Variants in RAN observed in about 807,000 individuals in gnomAD.
RAN encodes RAN, member RAS oncogene family, also known as GTP-binding nuclear protein Ran.
In RAN, 2 loss-of-function variants were observed where a neutral mutation model predicts 26.8. That is an observed-to-expected ratio of 0.07 (90% CI 0.03 to 0.23). The LOEUF (loss-of-function observed/expected upper bound fraction) is 0.23. RAN is among the 10% of genes least tolerant of loss of function. The pLI, the probability that RAN is intolerant of heterozygous loss-of-function variation, is 1.00. For missense variants in RAN, 56 were observed against 264.8 expected (o/e 0.21, Z 5.47); for synonymous variants, 132 against 95.9 (o/e 1.38, Z -2.20).
At chr12:130,873,500 G>C (rs990909741) in intron 4 of RAN, 19 of 241,682 alleles carry the variant, frequency 7.9e-5, no homozygotes, top group Admixed American at 4.1e-4. Context: ...ATAAACACCA[G>C]ATACTAGACC....
rs142884457 is a variant in RAN, at chr12:130,875,215, T to G, written c.436-397T>G. Among the ~76,000 whole-genome samples the G allele has an allele frequency of 5.7e-3, 874 of 152,240 alleles. 10 individuals carry two copies. The highest frequency in any genetic ancestry group is 0.02 in the African/African-American group (819 of 41,538). On this transcript the variant is annotated intron_variant, in intron 5 of 6. Coordinates refer to ENST00000543796, the MANE Select transcript of RAN (RefSeq NM_006325.5). ...TGGCCCGGTTGGTCAGCTGAAATGT[T>G]TGTGTATTTATATATTTGTTGTTCG...
intron 5 of RAN, among the ~76,000 whole-genome samples, chr12:130,875,297 C>G (rs7961568): frequency 0.048 from 7,262 of 152,176 alleles, 538 homozygotes; most frequent in African/African-American, 0.16. Flanking sequence ...ACATAGCTCA[C>G]TGTAGCCCTG....
At chr12:130,873,372 T>G (rs1477042895) in intron 4 of RAN, 2 of 444,798 alleles carry the variant, frequency 4.5e-6, no homozygotes, top group South Asian at 2.3e-5. Context: ...CTGGGACTTA[T>G]AAGTCATATT....
At chr12:130,874,372 G>A (rs1449659855) in intron 4 of RAN, 174 bp from the exon 5 acceptor site, 3 of 562,316 alleles carry the variant, frequency 5.3e-6, no homozygotes, top group Non-Finnish European at 9.3e-6. Context: ...TCTCTTAGGA[G>A]GAATTGTGTA....
intron 4 of RAN, 108 bp downstream of exon 4, chr12:130,873,236 TA>T (rs1469833292): frequency 1.8e-5 from 27 of 1,461,698 alleles, no homozygotes; most frequent in Non-Finnish European, 2.4e-5. Flanking sequence ...ATTTTTGGGT[TA>T]AAAAAAGACA....
chr12:130,872,990 G>A lies in RAN; in HGVS notation c.122-13G>A. On this transcript the variant is annotated splice_polypyrimidine_tract_variant and intron_variant, in intron 3 of 6. Coordinates refer to ENST00000543796, the MANE Select transcript of RAN (RefSeq NM_006325.5). ...GTAAGTTCATCCACTCAATCGCATC[G>A]TTTCCGTTTCAGCCACCTTGGGTGT... 1 of 1,614,184 alleles carries A rather than the reference G, an allele frequency of 6.2e-7. No individual in the cohort carries two copies. The highest frequency in any genetic ancestry group is 1.1e-5 in the South Asian group (1 of 91,086).
Position 130,876,170 on chromosome 12 carries a change from A to G in RAN, c.*244A>G, listed in dbSNP as rs3803012. 1,087 of 547,760 alleles carry G rather than the reference A, an allele frequency of 2.0e-3. 23 individuals carry two copies. The East Asian group carries it at 0.025, about 13-fold the overall frequency. The allele number at this position is 547,760 out of a possible 1,614,324, so 33.9% of individuals were successfully genotyped here. A position where few individuals can be genotyped will look rare whatever the true frequency, so the allele number is the denominator to read the frequency against. ...GCAGTTGATTCCTTGAGTTTCATAT[A>G]TAAGACTGCTGCAGTCACATCACAA... On this transcript the variant is annotated 3_prime_UTR_variant, in exon 7 of 7. Coordinates refer to ENST00000543796, the MANE Select transcript of RAN (RefSeq NM_006325.5).
chr12:130,873,231 T>C (rs1953172245), intron 4 of RAN, 103 bp downstream of exon 4: 1 of 1,496,318 alleles, frequency 6.7e-7, no homozygotes, highest in Non-Finnish European at 9.0e-7. Flanking sequence ...GTGTCATTTT[T>C]GGGTTAAAAA....
At chr12:130,875,809 T>C in intron 6 of RAN, 27 bp downstream of exon 6, 2 of 1,614,136 alleles carry the variant, frequency 1.2e-6, no homozygotes, top group Non-Finnish European at 8.5e-7. Flanking sequence ...GCTGTTCAGA[T>C]TGTTCGGTTT....
At chr12:130,872,722 C>T (rs7306495) in intron 2 of RAN, 93 bp downstream of exon 2, 11 of 1,555,984 alleles carry the variant, frequency 7.1e-6, no homozygotes, top group Admixed American at 5.4e-5. Flanking sequence ...GTAATGGGGC[C>T]CCGCATCCAC....
At position 130,876,227 on chromosome 12, in the gene RAN, C is replaced by T; in HGVS notation, c.*301C>T. 2.7e-6 allele frequency: 1 copy of T among 375,236 alleles called. No individual in the cohort carries two copies. Among genetic ancestry groups the T allele is most frequent in the East Asian group, 4.8e-5 (1 of 21,044 alleles). The allele number at this position is 375,236 out of a possible 1,614,324, so 23.2% of individuals were successfully genotyped here. A position where few individuals can be genotyped will look rare whatever the true frequency, so the allele number is the denominator to read the frequency against. ...GTGGTGAAATCTTGTTTGTTACTGTCATTCCCATTCCTTTTCGTTTAGAAT... is the reference window on the plus strand; with the variant it reads ...GTGGTGAAATCTTGTTTGTTACTGTTATTCCCATTCCTTTTCGTTTAGAAT... On this transcript the variant is annotated 3_prime_UTR_variant, in exon 7 of 7. Coordinates refer to ENST00000543796, the MANE Select transcript of RAN (RefSeq NM_006325.5).
intron 1 of RAN, 39 bp from the exon 2 acceptor site, chr12:130,872,545 G>A: frequency 2.1e-6 from 3 of 1,421,908 alleles, no homozygotes; most frequent in Non-Finnish European, 2.7e-6. Flanking sequence ...TGGGCTGCGG[G>A]GCCGCGCGAG....
chr12:130,872,551 G>A, intron 1 of RAN, 33 bp from the exon 2 acceptor site: 3 of 1,428,492 alleles, frequency 2.1e-6, no homozygotes, highest in Non-Finnish European at 2.7e-6. Flanking sequence ...GCGGGGCCGC[G>A]CGAGCGCTCG....
intron 1 of RAN, 23 bp downstream of exon 1, chr12:130,872,149 G>A (rs1196440360): frequency 4.7e-6 from 1 of 212,712 alleles, no homozygotes; most frequent in South Asian, 4.5e-5. Flanking sequence ...GGCGGGCCCG[G>A]CACGGCCGGG....
rs750545808 is a variant in RAN at position 130,875,819 on chromosome 12, TG to T, written c.606+39del. ...ACTTTGCTGTTCAGATTGTTCGGTT[TG>T]GCTTGTTTATTCCTGGCAGTTTTGA... On this transcript the variant is annotated intron_variant, in intron 6 of 6. Transcript: ENST00000543796. 2.5e-6 allele frequency: 4 copies of T among 1,613,958 alleles called. No homozygotes were observed. The South Asian group carries it at 4.4e-5, about 18-fold the overall frequency.
Position 130,877,591 on chromosome 12 carries a change from CCTGT to C in RAN, c.*1668_*1671del, listed in dbSNP as rs1395849505. ...TGAAATTTGGAAGTGACGTCACTTACCTGTCTAACGTGGTGTGGGAGAGAATTTA... is the reference window on the plus strand; with the variant it reads ...TGAAATTTGGAAGTGACGTCACTTACCTAACGTGGTGTGGGAGAGAATTTA... On this transcript the variant is annotated 3_prime_UTR_variant, in exon 7 of 7. Coordinates refer to ENST00000543796, the MANE Select transcript of RAN (RefSeq NM_006325.5). 3 of 152,166 alleles carry C rather than the reference CCTGT, an allele frequency of 2.0e-5. No individual in the cohort carries two copies. Among genetic ancestry groups the C allele is most frequent in the Non-Finnish European group, 4.4e-5 (3 of 68,028 alleles). 9.4% of individuals were successfully genotyped at this position (152,166 alleles called of 1,614,324 possible). A position where few individuals can be genotyped will look rare whatever the true frequency, so the allele number is the denominator to read the frequency against.
rs1215457805 is a variant in RAN, at chr12:130,874,740, A to G, written c.435+7A>G. 1.2e-6 allele frequency: 2 copies of G among 1,606,044 alleles called. No individual in the cohort carries two copies. The highest frequency in any genetic ancestry group is 1.7e-6 in the Non-Finnish European group (2 of 1,174,722). On this transcript the variant is annotated splice_region_variant and intron_variant, in intron 5 of 6. Transcript: ENST00000543796. Reference sequence around the variant, plus strand: ...CCGAAAGAAGAATCTTCAGGTGTGTAAAATTAAAACTTCCTGAGTTATTTC... The same window carrying G: ...CCGAAAGAAGAATCTTCAGGTGTGTGAAATTAAAACTTCCTGAGTTATTTC...
intron 4 of RAN, 181 bp from the exon 5 acceptor site, chr12:130,874,365 C>T (rs1953198927): frequency 7.2e-6 from 4 of 556,662 alleles, no homozygotes; most frequent in Non-Finnish European, 6.3e-6. Context: ...GCTCATCTCT[C>T]TTAGGAGGAA....
At chr12:130,872,723 C>G (rs1463957054) in intron 2 of RAN, 94 bp downstream of exon 2, 1 of 1,558,202 alleles carries the variant, frequency 6.4e-7, no homozygotes, top group African/African-American at 1.4e-5. Context: ...TAATGGGGCC[C>G]CGCATCCACA....
Sources: allele counts gnomAD v4.1 joint callset (sites outside exome capture counted in the v4.1 genomes callset), GRCh38; gene constraint gnomAD v4.1.1; transcripts MANE v1.5; gene names NCBI Gene and HGNC (gene_info 2026-07-23, HGNC 2026-07-21).